Variants in GDA observed in about 807,000 individuals in gnomAD.
The protein encoded by GDA is cytoplasmic PSD-95 interactor.
Under a neutral mutation model 59.6 loss-of-function variants are expected in GDA, and 18 were observed. The ratio of observed to expected loss-of-function variants is 0.30; its 90% CI spans 0.21 to 0.45. The LOEUF is 0.45. Among genes scored for constraint, GDA ranks in the 20% least tolerant of loss-of-function variants. The pLI is 1.00. For missense variants in GDA, 427 were observed against 552.3 expected (o/e 0.77, Z 2.27); for synonymous variants, 201 against 201.1 (o/e 1.00, Z 0.00).
At chr9:72,119,653 C>T (rs1036242886) in intron 1 of GDA, among the ~76,000 whole-genome samples, 1 of 151,948 alleles carries the variant, frequency 6.6e-6, no homozygotes, top group African/African-American at 2.4e-5. Flanking sequence ...CTATTCTTAA[C>T]GTGTTGTTTT....
chr9:72,216,594 T>A (rs578150104), intron 5 of GDA, among the ~76,000 whole-genome samples: 55 of 152,318 alleles, frequency 3.6e-4, no homozygotes, highest in African/African-American at 1.2e-3. Context: ...CATTGTATGA[T>A]TTAATTGATA....
chr9:72,214,407 C>T (rs1235308837), intron 5 of GDA, among the ~76,000 whole-genome samples: 1 of 151,826 alleles, frequency 6.6e-6, no homozygotes, highest in African/African-American at 2.4e-5. Flanking sequence ...GCGATTCTTC[C>T]ACCTCAGCCT....
intron 6 of GDA, among the ~76,000 whole-genome samples, chr9:72,219,757 T>G (rs1285607338): frequency 1.3e-5 from 2 of 152,198 alleles, no homozygotes; most frequent in African/African-American, 4.8e-5. Flanking sequence ...AATGTGATGA[T>G]TTGATATATT....
chr9:72,169,522 T>C (rs747834775), intron 1 of GDA, among the ~76,000 whole-genome samples: 1 of 152,228 alleles, frequency 6.6e-6, no homozygotes, highest in Non-Finnish European at 1.5e-5. Flanking sequence ...TCTAACTTAA[T>C]GTGGCTACTC....
At chr9:72,141,931 A>G (rs1826454715) in intron 1 of GDA, among the ~76,000 whole-genome samples, 1 of 152,218 alleles carries the variant, frequency 6.6e-6, no homozygotes, top group Admixed American at 6.5e-5. Context: ...AAATCATTTC[A>G]GTGGCTTCCC....
chr9:72,235,928 T>C (rs540919512), intron 10 of GDA, among the ~76,000 whole-genome samples: 1 of 152,244 alleles, frequency 6.6e-6, no homozygotes, highest in East Asian at 1.9e-4. Context: ...ACCTATAAAC[T>C]CATTAAAACA....
At position 72,233,798 on chromosome 9, in the gene GDA, T is replaced by A. The variant is rs1266218477; in HGVS notation, c.988+2617T>A. ...CTTTACAAAAAATACAAAACTTAGCTGGGCATGGTGACATGCACTTGTAAT... is the reference window on the plus strand; with the variant it reads ...CTTTACAAAAAATACAAAACTTAGCAGGGCATGGTGACATGCACTTGTAAT... On this transcript the variant is annotated intron_variant, in intron 10 of 13. Transcript: ENST00000358399. Among the ~76,000 whole-genome samples, 3 of 152,068 alleles carry A rather than the reference T, an allele frequency of 2.0e-5. No homozygotes were observed. The East Asian group carries it at 5.8e-4, about 29-fold the overall frequency.
intron 5 of GDA, among the ~76,000 whole-genome samples, chr9:72,214,284 A>ATT (rs539062407): frequency 2.7e-5 from 4 of 145,708 alleles, no homozygotes; most frequent in Non-Finnish European, 6.1e-5. Context: ...ATTTATTTTT[A>ATT]TTTTTTTTTT....
At chr9:72,137,337 C>T (rs1587321356) in intron 1 of GDA, among the ~76,000 whole-genome samples, 1 of 143,180 alleles carries the variant, frequency 7.0e-6, no homozygotes, top group Admixed American at 7.3e-5. Flanking sequence ...AGCTCCACCT[C>T]CCGGGTTCAC....
In GDA at chr9:72,243,942, G is replaced by A. The variant is rs754675459; in HGVS notation, c.1136-1206G>A. ...TGTAATCCCAGCACTTTGGGAGTCC[G>A]AGGTGGGCAGTTCGCGAGGTTAGGA... On this transcript the variant is annotated intron_variant, in intron 11 of 13. Coordinates refer to ENST00000358399, the MANE Select transcript of GDA (RefSeq NM_004293.5). 3.9e-5 allele frequency among the ~76,000 whole-genome samples: 6 copies of A among 152,236 alleles called. No homozygotes were observed. The East Asian group carries it at 5.8e-4, about 15-fold the overall frequency.
chr9:72,186,930 C>A lies in GDA; in HGVS notation c.124-8570C>A, dbSNP rs150083319. 5.3e-3 allele frequency among the ~76,000 whole-genome samples: 813 copies of A among 152,304 alleles called. 9 individuals carry two copies. Among genetic ancestry groups the A allele is most frequent in the African/African-American group, 0.018 (765 of 41,564 alleles). On this transcript the variant is annotated intron_variant, in intron 1 of 13. Coordinates refer to ENST00000358399, the MANE Select transcript of GDA (RefSeq NM_004293.5). ...GGGCCATTGCACTTCCTCATCCTCC[C>A]TTCTCATGTCTAATTCATTTTCTAC...
chr9:72,190,411 G>A (rs980858980), intron 1 of GDA, among the ~76,000 whole-genome samples: 1 of 152,210 alleles, frequency 6.6e-6, no homozygotes, highest in African/African-American at 2.4e-5. Context: ...ACAGGCATGA[G>A]CCACTTCACC....
At chr9:72,151,419 G>A (rs1322704757) in intron 1 of GDA, among the ~76,000 whole-genome samples, 1 of 152,120 alleles carries the variant, frequency 6.6e-6, no homozygotes, top group African/African-American at 2.4e-5. Flanking sequence ...TTTAAAGAGA[G>A]AGCATGCCAT....
At chr9:72,169,960 A>G (rs1393413529) in intron 1 of GDA, among the ~76,000 whole-genome samples, 1 of 152,236 alleles carries the variant, frequency 6.6e-6, no homozygotes, top group Non-Finnish European at 1.5e-5. Flanking sequence ...GGTCCTCTGT[A>G]TCTAAGCGTC....
chr9:72,227,932 C>T lies in GDA; in HGVS notation c.823-11C>T, dbSNP rs1271696893. On this transcript the variant is annotated splice_polypyrimidine_tract_variant and intron_variant, in intron 8 of 13. Coordinates refer to ENST00000358399, the MANE Select transcript of GDA (RefSeq NM_004293.5). ...AGCGGTAAACTCCACGTAGGGCACTCTTCTCTCCAGACAGTGATGGCACAC... is the reference window on the plus strand; with the variant it reads ...AGCGGTAAACTCCACGTAGGGCACTTTTCTCTCCAGACAGTGATGGCACAC... 6.7e-7 allele frequency: 1 copy of T among 1,503,018 alleles called. No homozygotes were observed. Among genetic ancestry groups the T allele is most frequent in the Non-Finnish European group, 9.3e-7 (1 of 1,080,668 alleles). 93.1% of individuals were successfully genotyped at this position (1,503,018 alleles called of 1,614,324 possible). A position where few individuals can be genotyped will look rare whatever the true frequency, so the allele number is the denominator to read the frequency against.
chr9:72,195,124 A>G (rs1364552389), intron 1 of GDA, among the ~76,000 whole-genome samples: 1 of 152,204 alleles, frequency 6.6e-6, no homozygotes, highest in African/African-American at 2.4e-5. Flanking sequence ...GTTCTTATGA[A>G]GGTGCTTTTT....
chr9:72,123,185 C>CTTTTTT (rs530381322), intron 1 of GDA, among the ~76,000 whole-genome samples: 4 of 126,150 alleles, frequency 3.2e-5, no homozygotes, highest in Admixed American at 8.5e-5. Context: ...TTTTTCTTCC[C>CTTTTTT]TTTTTTTTTT....
At chr9:72,148,072 T>A (rs1826747033), upstream of GDA, among the ~76,000 whole-genome samples, 1 of 152,180 alleles carries the variant, frequency 6.6e-6, no homozygotes, top group Admixed American at 6.5e-5. Context: ...ACGAATCATT[T>A]CTATAAGCCA....
intron 1 of GDA, among the ~76,000 whole-genome samples, chr9:72,184,216 A>G (rs191028029): frequency 1.3e-5 from 2 of 152,310 alleles, no homozygotes; most frequent in East Asian, 3.9e-4. Context: ...TCACATCATT[A>G]TCAACCAAAG....
Sources: gnomAD v4.1 joint callset for allele counts (sites outside exome capture counted in the v4.1 genomes callset) on GRCh38, gnomAD v4.1.1 for gene constraint, MANE v1.5 for transcripts, NCBI Gene and HGNC (gene_info 2026-07-23, HGNC 2026-07-21) for gene names.